Variants in CYRIB observed in about 807,000 individuals in gnomAD.
CYRIB encodes the protein CYFIP-related Rac1 interactor B.
Under a neutral mutation model 44.2 loss-of-function variants are expected in CYRIB, and 8 were observed. The observed-to-expected ratio is 0.18, with a 90% CI of 0.11 to 0.33. The LOEUF is 0.33. Among genes scored for constraint, CYRIB ranks in the 10% least tolerant of loss-of-function variants. The probability of loss-of-function intolerance (pLI) is 1.00; values close to 1 mark genes in which losing one functional copy is unlikely to be tolerated. For synonymous variants in CYRIB, 131 were observed against 127.2 expected (o/e 1.03, Z -0.20); for missense variants, 185 against 382.8 (o/e 0.48, Z 4.31).
At chr8:129,929,819 A>C (rs2090155933) in intron 1 of CYRIB, among the ~76,000 whole-genome samples, 1 of 152,174 alleles carries the variant, frequency 6.6e-6, no homozygotes. Context: ...ACAGTGGCTA[A>C]AACTACCTGG....
rs545161432 is a variant in CYRIB, at chr8:129,893,960, G to GCA, written c.-11+9350_-11+9351dup. 4.6e-4 allele frequency among the ~76,000 whole-genome samples: 69 copies of GCA among 151,622 alleles called. No individual in the cohort carries two copies. In the South Asian group the frequency reaches 1.0e-2, roughly 22 times the overall value. On this transcript the variant is annotated intron_variant, in intron 2 of 11. Transcript: ENST00000519824. ...TCAATTTGCATACGTGATATACTGT[G>GCA]CATTCTTTGAAAACTGGATTTTCTC... is the stretch of plus-strand genomic sequence containing the variant.
intron 1 of CYRIB, among the ~76,000 whole-genome samples, chr8:129,913,954 C>G (rs562704378): frequency 6.6e-6 from 1 of 152,088 alleles, no homozygotes; most frequent in Non-Finnish European, 1.5e-5. Flanking sequence ...AATGAAGGTA[C>G]TGAAAATACA....
chr8:129,950,641 G>A (rs979055505), intron 2 of CYRIB, among the ~76,000 whole-genome samples: 7 of 151,842 alleles, frequency 4.6e-5, no homozygotes, highest in Admixed American at 2.0e-4. Flanking sequence ...AGAGTACTTA[G>A]CACAGGGCAC....
chr8:130,017,073 T>C (rs958816904), upstream of CYRIB: 47 of 152,370 alleles, frequency 3.1e-4, no homozygotes, highest in Admixed American at 2.7e-3. Flanking sequence ...GCGGGGTCAG[T>C]GAGAGGAATG....
At chr8:129,962,960 G>A (rs2095330828) in intron 2 of CYRIB, among the ~76,000 whole-genome samples, 1 of 152,126 alleles carries the variant, frequency 6.6e-6, no homozygotes, top group South Asian at 2.1e-4. Context: ...TCAGGGGGAG[G>A]GCATTTGATC....
At chr8:129,903,178 A>G (rs956378632) in intron 2 of CYRIB, 134 bp downstream of exon 4, 1 of 152,600 alleles carries the variant, frequency 6.6e-6, no homozygotes, top group African/African-American at 2.4e-5. Flanking sequence ...AATATTTCCT[A>G]ACAACATTTT....
At chr8:129,928,927 A>G (rs2089664772) in intron 1 of CYRIB, among the ~76,000 whole-genome samples, 1 of 152,206 alleles carries the variant, frequency 6.6e-6, no homozygotes, top group Admixed American at 6.5e-5. Flanking sequence ...TGACCCAATA[A>G]TTCTATTCCT....
At position 129,982,073 on chromosome 8, in the gene CYRIB, G is replaced by A. The variant is rs572759316; in HGVS notation, c.-295-11078C>T. ...GGATCAACTTGTCCCCATTGGCCAG[G>A]GAATTTCCTAGCTTTAGCAATGCAA... On this transcript the variant is annotated intron_variant, in intron 1 of 14. Coordinates refer to the CYRIB transcript ENST00000401979. Among the ~76,000 whole-genome samples the A allele has an allele frequency of 1.1e-4, 16 of 152,302 alleles. No homozygotes were observed. In the South Asian group the frequency reaches 3.3e-3, roughly 32 times the overall value.
intron 1 of CYRIB, among the ~76,000 whole-genome samples, chr8:129,916,001 T>C (rs2080574281): frequency 6.6e-6 from 1 of 152,212 alleles, no homozygotes; most frequent in Non-Finnish European, 1.5e-5. Flanking sequence ...GAGACAAAAG[T>C]TTTAAAGCTA....
At chr8:129,924,994 C>G (rs1371839173) in intron 1 of CYRIB, among the ~76,000 whole-genome samples, 2 of 152,096 alleles carry the variant, frequency 1.3e-5, no homozygotes, top group Non-Finnish European at 2.9e-5. Context: ...CCCAGCTCAG[C>G]CCTACACAGT....
At chr8:129,884,712 T>C (rs2062052109) in intron 2 of CYRIB, among the ~76,000 whole-genome samples, 1 of 152,256 alleles carries the variant, frequency 6.6e-6, no homozygotes. Flanking sequence ...CTAAAGAATC[T>C]TCTTTCAAAT....
chr8:129,845,816 G>C (rs1283913298), intron 11 of CYRIB, among the ~76,000 whole-genome samples: 1 of 152,172 alleles, frequency 6.6e-6, no homozygotes, highest in African/African-American at 2.4e-5. Context: ...AATCTCTGTA[G>C]TCAAATGTTA....
At chr8:129,882,929 G>A (rs1239253822) in intron 2 of CYRIB, among the ~76,000 whole-genome samples, 1 of 151,692 alleles carries the variant, frequency 6.6e-6, no homozygotes, top group Non-Finnish European at 1.5e-5. Context: ...TGGGCGCAGT[G>A]GCTCACGCTT....
rs572844321 is a variant in CYRIB at position 129,939,778 on chromosome 8, C to T, written c.-220G>A. 5.9e-5 allele frequency: 9 copies of T among 152,368 alleles called. No homozygotes were observed. In the East Asian group the frequency reaches 1.6e-3, roughly 26 times the overall value. The allele number at this position is 152,368 out of a possible 1,614,324, so 9.4% of individuals were successfully genotyped here. On this transcript the variant is annotated 5_prime_UTR_variant, in exon 1 of 12. Coordinates refer to ENST00000519824, the Ensembl canonical transcript of CYRIB. ...CCCCTGTGGCAGAGCCGCGACAAGC[C>T]AGGCGGCAGCTCCGAGCGGGGAGGG...
rs115523194 is a variant in CYRIB, at chr8:129,900,117, C to T, written c.-11+3195G>A. ...TAAAGGGTTTGTGAAATGACTTGAA[C>T]GAGCTCAACTCCCTAATTTTATGAA... On this transcript the variant is annotated intron_variant, in intron 2 of 11. Transcript: ENST00000519824. 3.7e-3 allele frequency among the ~76,000 whole-genome samples: 556 copies of T among 152,154 alleles called. 3 individuals are homozygous for T. Among genetic ancestry groups the T allele is most frequent in the African/African-American group, 0.011 (466 of 41,486 alleles).
chr8:130,014,776 G>C (rs1223904695), intron 1 of CYRIB, among the ~76,000 whole-genome samples: 1 of 152,208 alleles, frequency 6.6e-6, no homozygotes, highest in South Asian at 2.1e-4. Context: ...TGTGAGCCCA[G>C]CAAGGATCTA....
exon 8 of CYRIB, chr8:129,852,196 G>T (rs1351062979): frequency 1.9e-6 from 3 of 1,562,650 alleles, no homozygotes; most frequent in South Asian, 1.2e-5. Flanking sequence ...ATCACTCAAG[G>T]TTTTCAGCAT....
At chr8:129,859,063 G>A (rs987728472) in intron 5 of CYRIB, among the ~76,000 whole-genome samples, 4 of 152,096 alleles carry the variant, frequency 2.6e-5, no homozygotes, top group Admixed American at 6.5e-5. Flanking sequence ...TAGTGGCCCC[G>A]AATGCTAGGC....
exon 11 of CYRIB, chr8:129,846,831 C>G: frequency 6.3e-7 from 1 of 1,598,086 alleles, no homozygotes; most frequent in Non-Finnish European, 8.5e-7. Flanking sequence ...ACCTTCCACA[C>G]TATTAGGAGG....
Sources: gnomAD v4.1 joint callset for allele counts (sites outside exome capture counted in the v4.1 genomes callset) on GRCh38, gnomAD v4.1.1 for gene constraint, MANE v1.5 for transcripts, NCBI Gene and HGNC (gene_info 2026-07-23, HGNC 2026-07-21) for gene names.